The following ARAP2 variants were observed in gnomAD, a reference collection of about 807,000 sequenced individuals.
The protein encoded by ARAP2 is arf-GAP with Rho-GAP domain, ANK repeat and PH domain-containing protein 2.
A neutral mutation model predicts 194.5 loss-of-function variants in ARAP2; 148 were observed. That is an observed-to-expected ratio of 0.76 (90% CI 0.67 to 0.87). The LOEUF is 0.87. ARAP2 is among the 40% of genes least tolerant of loss of function. The pLI, the probability that ARAP2 is intolerant of heterozygous loss-of-function variation, is 0.00. For synonymous variants in ARAP2, 695 were observed against 683.5 expected (o/e 1.02, Z -0.26); for missense variants, 2,128 against 1,989.7 (o/e 1.07, Z -1.32).
At chr4:36,180,270 C>A (rs1458085410) in intron 8 of ARAP2, among the ~76,000 whole-genome samples, 1 of 151,938 alleles carries the variant, frequency 6.6e-6, no homozygotes. Flanking sequence ...AAAACTTCGT[C>A]CCCCCGCTCC....
At chr4:36,014,406 C>T (rs1715405798) in intron 8 of ARAP2, among the ~76,000 whole-genome samples, 2 of 150,484 alleles carry the variant, frequency 1.3e-5, no homozygotes, top group Non-Finnish European at 2.9e-5. Flanking sequence ...CAACCACTGC[C>T]ACCACTTCTT....
chr4:36,011,229 G>A (rs1175814157), intron 9 of ARAP2, among the ~76,000 whole-genome samples: 1 of 151,878 alleles, frequency 6.6e-6, no homozygotes, highest in Non-Finnish European at 1.5e-5. Flanking sequence ...GCATCATTTC[G>A]CTCATCTACT....
chr4:36,189,175 C>T (rs569606264), intron 7 of ARAP2, among the ~76,000 whole-genome samples: 11 of 152,272 alleles, frequency 7.2e-5, no homozygotes, highest in Non-Finnish European at 1.5e-4. Flanking sequence ...AAGAAATAAG[C>T]ACTTAGTAAA....
chr4:36,193,511 CTGCT>C (rs2109918654), intron 7 of ARAP2, 63 bp downstream of exon 7: 10 of 1,074,380 alleles, frequency 9.3e-6, no homozygotes, highest in South Asian at 7.1e-5. Flanking sequence ...AAAAACCAAA[CTGCT>C]TGCTTATTTT....
chr4:36,082,919 A>T (rs1431130553), intron 29 of ARAP2, among the ~76,000 whole-genome samples: 3 of 152,152 alleles, frequency 2.0e-5, no homozygotes, highest in Admixed American at 6.6e-5. Context: ...CAAAGTCAGC[A>T]TAGTAAAAAG....
chr4:36,216,052 C>T (rs1366100847), intron 2 of ARAP2, among the ~76,000 whole-genome samples: 6 of 149,190 alleles, frequency 4.0e-5, no homozygotes, highest in African/African-American at 1.5e-4. Context: ...TTGAAACCAG[C>T]TTGGGCAACA....
intron 26 of ARAP2, 77 bp downstream of exon 26, chr4:36,114,093 G>A (rs1720719816): frequency 1.4e-5 from 14 of 1,003,784 alleles, no homozygotes; most frequent in Non-Finnish European, 2.0e-5. Context: ...GACATAAAAT[G>A]TTTATAAAGT....
intron 8 of ARAP2, among the ~76,000 whole-genome samples, chr4:36,013,303 A>T (rs1210048939): frequency 6.6e-6 from 1 of 152,186 alleles, no homozygotes; most frequent in Non-Finnish European, 1.5e-5. Context: ...ATGACGTAAT[A>T]CCCTTTCTGG....
chr4:36,097,099 C>A (rs531042335), intron 27 of ARAP2, among the ~76,000 whole-genome samples: 3 of 152,088 alleles, frequency 2.0e-5, no homozygotes. Flanking sequence ...TTAAACAACT[C>A]ATAGTCATAA....
intron 26 of ARAP2, among the ~76,000 whole-genome samples, chr4:36,112,535 G>A (rs1392664962): frequency 6.6e-6 from 1 of 151,824 alleles, no homozygotes; most frequent in Non-Finnish European, 1.5e-5. Flanking sequence ...ATATAACAAA[G>A]CTGGTAACCA....
intron 22 of ARAP2, among the ~76,000 whole-genome samples, chr4:36,123,668 T>C (rs770789449): frequency 2.6e-5 from 4 of 151,814 alleles, no homozygotes; most frequent in Non-Finnish European, 4.4e-5. Flanking sequence ...GTCTCTATGC[T>C]ACATTTTCCC....
chr4:36,151,153 T>G, intron 15 of ARAP2, 109 bp from the exon 16 acceptor site: 1 of 964,616 alleles, frequency 1.0e-6, no homozygotes, highest in South Asian at 1.8e-5. Flanking sequence ...ATAAATTTAT[T>G]AATTTCCTAT....
chr4:36,176,572 A>G (rs1366912838), intron 9 of ARAP2, among the ~76,000 whole-genome samples: 1 of 152,136 alleles, frequency 6.6e-6, no homozygotes. Flanking sequence ...TAACTTCCAT[A>G]CAGATACATG....
At chr4:36,145,100 A>T (rs1729334401) in intron 19 of ARAP2, among the ~76,000 whole-genome samples, 1 of 151,910 alleles carries the variant, frequency 6.6e-6, no homozygotes, top group Admixed American at 6.6e-5. Flanking sequence ...CAATTTGTTG[A>T]AGAAGAAAGG....
At chr4:36,140,002 T>C (rs1234843359) in intron 19 of ARAP2, among the ~76,000 whole-genome samples, 1 of 151,634 alleles carries the variant, frequency 6.6e-6, no homozygotes, top group African/African-American at 2.4e-5. Flanking sequence ...GCCCATCCTA[T>C]TTCTCTGAAC....
chr4:36,094,921 C>T (rs958718141), intron 27 of ARAP2, among the ~76,000 whole-genome samples: 2 of 152,136 alleles, frequency 1.3e-5, no homozygotes, highest in South Asian at 4.1e-4. Flanking sequence ...AAGTCAGGTC[C>T]ACCTAGCTAG....
intron 27 of ARAP2, among the ~76,000 whole-genome samples, chr4:36,099,063 T>C (rs1053433175): frequency 3.5e-5 from 5 of 143,832 alleles, no homozygotes; most frequent in Non-Finnish European, 7.6e-5. Flanking sequence ...CCCCTCCCCA[T>C]GGACAGGCCC....
intron 10 of ARAP2, among the ~76,000 whole-genome samples, chr4:36,165,615 G>A (rs1735111639): frequency 6.6e-6 from 1 of 151,720 alleles, no homozygotes; most frequent in African/African-American, 2.4e-5. Flanking sequence ...ATGGTTCTAA[G>A]GAACTGGGAA....
Position 36,229,542 on chromosome 4 carries a change from C to A in ARAP2, c.-56G>T. On this transcript the variant is annotated 5_prime_UTR_variant, in exon 2 of 33. Coordinates refer to ENST00000303965, the MANE Select transcript of ARAP2 (RefSeq NM_015230.4). ...AAAAAGTGGCACGATGAGACACACA[C>A]ACAAGAAGATGTACTTCTCTACTGG... The A allele has an allele frequency of 7.3e-7, 1 of 1,371,470 alleles. No individual in the cohort carries two copies. The highest frequency in any genetic ancestry group is 1.0e-6 in the Non-Finnish European group (1 of 998,688). 85.0% of individuals were successfully genotyped at this position (1,371,470 alleles called of 1,614,324 possible).
Sources: allele counts gnomAD v4.1 joint callset (sites outside exome capture counted in the v4.1 genomes callset), GRCh38; gene constraint gnomAD v4.1.1; transcripts MANE v1.5; gene names NCBI Gene and HGNC (gene_info 2026-07-23, HGNC 2026-07-21).